The following RBM47 variants were observed in gnomAD, a reference collection of about 807,000 sequenced individuals.
RBM47 encodes the protein RNA binding motif protein 47, also known as RNA-binding protein 47.
A neutral mutation model predicts 47.1 loss-of-function variants in RBM47; 21 were observed. That is an observed-to-expected ratio of 0.45 (90% CI 0.32 to 0.64). The LOEUF is 0.64. RBM47 is among the 30% of genes least tolerant of loss of function. The pLI is 0.05. For synonymous variants in RBM47, 375 were observed against 361.7 expected (o/e 1.04, Z -0.42); for missense variants, 708 against 870.9 (o/e 0.81, Z 2.35).
intron 1 of RBM47, among the ~76,000 whole-genome samples, chr4:40,581,408 G>A (rs911706204): frequency 2.8e-5 from 4 of 144,206 alleles, no homozygotes; most frequent in Non-Finnish European, 3.1e-5. Flanking sequence ...GTGACAGAGC[G>A]AGAACTTGTC....
rs1735512538 is a variant in RBM47 at position 40,604,003 on chromosome 4, GTGAAAAACAGCACTGAT to G, written c.-240+25376_-240+25392del. 2.6e-5 allele frequency among the ~76,000 whole-genome samples: 4 copies of G among 152,306 alleles called. No individual in the cohort carries two copies. In the South Asian group the frequency reaches 8.3e-4, roughly 32 times the overall value. ...CACACAACCAACCACACCCAGCATA[GTGAAAAACAGCACTGAT>G]CATGTTCATTTCAAAACATGTTTTG... On this transcript the variant is annotated intron_variant, in intron 1 of 6. Transcript: ENST00000295971.
intron 1 of RBM47, among the ~76,000 whole-genome samples, chr4:40,568,729 G>C (rs1410945841): frequency 6.6e-6 from 1 of 151,764 alleles, no homozygotes; most frequent in Non-Finnish European, 1.5e-5. Context: ...TTAATAGATA[G>C]TATAGTGTTG....
intron 6 of RBM47, chr4:40,427,318 A>C (rs530851402): frequency 2.6e-5 from 4 of 152,362 alleles, no homozygotes; most frequent in African/African-American, 9.6e-5. Flanking sequence ...GATAAAGAGC[A>C]GTTTCCAAAT....
intron 1 of RBM47, among the ~76,000 whole-genome samples, chr4:40,583,691 T>C (rs974139327): frequency 2.0e-5 from 3 of 151,524 alleles, no homozygotes; most frequent in African/African-American, 7.3e-5. Flanking sequence ...ACCCCGTCTC[T>C]ACTAAAAATA....
chr4:40,517,786 T>C (rs1350087716), intron 2 of RBM47, among the ~76,000 whole-genome samples: 3 of 152,220 alleles, frequency 2.0e-5, no homozygotes, highest in Non-Finnish European at 4.4e-5. Flanking sequence ...TTTCTTGTCA[T>C]TATTCCCTAA....
At chr4:40,486,128 T>C (rs1343477239) in intron 2 of RBM47, among the ~76,000 whole-genome samples, 5 of 104,664 alleles carry the variant, frequency 4.8e-5, no homozygotes. Flanking sequence ...AGAAACTAAA[T>C]ACAGTAGCTA....
At chr4:40,463,303 C>T (rs774933099) in intron 3 of RBM47, among the ~76,000 whole-genome samples, 7 of 152,062 alleles carry the variant, frequency 4.6e-5, no homozygotes, top group African/African-American at 9.7e-5. Context: ...TAGGGAAATG[C>T]AAATCAAAGC....
At chr4:40,513,248 G>T (rs754714868) in intron 2 of RBM47, among the ~76,000 whole-genome samples, 3 of 152,168 alleles carry the variant, frequency 2.0e-5, no homozygotes, top group South Asian at 4.1e-4. Context: ...TACTGCAAGC[G>T]TCATTGGGCA....
intron 2 of RBM47, among the ~76,000 whole-genome samples, chr4:40,519,293 C>A (rs527989510): frequency 1.5e-5 from 2 of 133,840 alleles, no homozygotes; most frequent in African/African-American, 3.2e-5. Context: ...TTTTCTCCTT[C>A]AATCTTTTTT....
intron 2 of RBM47, among the ~76,000 whole-genome samples, chr4:40,518,196 TCTCA>T (rs1725826781): frequency 8.0e-6 from 1 of 124,612 alleles, no homozygotes; most frequent in East Asian, 2.5e-4. Context: ...TGAGATGAAG[TCTCA>T]CTCTGTCACC....
At chr4:40,553,933 C>T (rs143017631) in intron 1 of RBM47, among the ~76,000 whole-genome samples, 3 of 152,268 alleles carry the variant, frequency 2.0e-5, no homozygotes, top group East Asian at 1.9e-4. Flanking sequence ...GGGCCTTCGT[C>T]GTAAGATGAG....
chr4:40,586,967 G>A (rs1372736917), intron 1 of RBM47, among the ~76,000 whole-genome samples: 3 of 152,072 alleles, frequency 2.0e-5, no homozygotes, highest in Admixed American at 1.3e-4. Context: ...TCGGGCCTTA[G>A]TGTTCTCATT....
chr4:40,427,842 G>T (rs1055680137), intron 6 of RBM47, among the ~76,000 whole-genome samples: 1 of 151,500 alleles, frequency 6.6e-6, no homozygotes, highest in African/African-American at 2.4e-5. Context: ...TAATCAAATA[G>T]TAATTATAAT....
chr4:40,616,177 C>A (rs1228505697), intron 1 of RBM47, among the ~76,000 whole-genome samples: 3 of 151,990 alleles, frequency 2.0e-5, no homozygotes, highest in African/African-American at 7.3e-5. Flanking sequence ...ATGGGTGAAA[C>A]CCCGTCTCTA....
intron 2 of RBM47, among the ~76,000 whole-genome samples, chr4:40,534,879 G>T (rs948520822): frequency 6.6e-6 from 1 of 150,706 alleles, no homozygotes; most frequent in Non-Finnish European, 1.5e-5. Context: ...AGCTTGCAGT[G>T]AGCCGAGATC....
At chr4:40,511,843 G>C (rs930891502) in intron 2 of RBM47, among the ~76,000 whole-genome samples, 3 of 151,446 alleles carry the variant, frequency 2.0e-5, no homozygotes, top group Non-Finnish European at 4.4e-5. Context: ...GCTGAGGCAG[G>C]AGAATCGCCT....
At chr4:40,427,909 G>A (rs1041792206) in intron 6 of RBM47, among the ~76,000 whole-genome samples, 27 of 151,992 alleles carry the variant, frequency 1.8e-4, no homozygotes, top group African/African-American at 5.3e-4. Context: ...ATAACTCAGA[G>A]GCTGGGTGAG....
intron 2 of RBM47, among the ~76,000 whole-genome samples, chr4:40,477,910 TCTA>T (rs1327931899): frequency 1.3e-5 from 2 of 151,734 alleles, no homozygotes; most frequent in East Asian, 3.9e-4. Context: ...AGTCACCCCT[TCTA>T]CTGATAGTAA....
In RBM47 at chr4:40,627,208, T is replaced by C. The variant is rs376423803; in HGVS notation, c.-240+2188A>G. Among the ~76,000 whole-genome samples the C allele has an allele frequency of 1.6e-4, 24 of 152,338 alleles. No homozygotes were observed. In the East Asian group the frequency reaches 4.6e-3, roughly 29 times the overall value. ...GCTTGGAATCACGGTGACAAGCACT[T>C]AAAGCTGCATTTAATGTCTTCATTG... On this transcript the variant is annotated intron_variant, in intron 1 of 6. Transcript: ENST00000295971.
Sources: allele counts gnomAD v4.1 joint callset (sites outside exome capture counted in the v4.1 genomes callset), GRCh38; gene constraint gnomAD v4.1.1; transcripts MANE v1.5; gene names NCBI Gene and HGNC (gene_info 2026-07-23, HGNC 2026-07-21).